Variants in RAPGEF1 observed in about 807,000 individuals in gnomAD.
The protein encoded by RAPGEF1 is CRK SH3-binding GNRP.
Under a neutral mutation model 143.3 loss-of-function variants are expected in RAPGEF1, and 33 were observed. The ratio of observed to expected loss-of-function variants is 0.23; its 90% CI spans 0.17 to 0.31. The LOEUF (loss-of-function observed/expected upper bound fraction) is 0.31, where lower values mean the gene tolerates loss of function less well. Ranked by LOEUF, RAPGEF1 falls within the 10% of genes least tolerant of loss-of-function variation. The pLI is 1.00. For missense variants in RAPGEF1, 1,199 were observed against 1,645.4 expected (o/e 0.73, Z 4.69); for synonymous variants, 629 against 676.5 (o/e 0.93, Z 1.09).
At chr9:131,606,115 C>T (rs1310963568) in intron 12 of RAPGEF1, among the ~76,000 whole-genome samples, 1 of 152,138 alleles carries the variant, frequency 6.6e-6, no homozygotes, top group African/African-American at 2.4e-5. Context: ...TTGATGCCAC[C>T]TTGTAGCCAC....
intron 12 of RAPGEF1, among the ~76,000 whole-genome samples, chr9:131,612,873 T>A (rs1214284322): frequency 6.6e-6 from 1 of 151,976 alleles, no homozygotes; most frequent in African/African-American, 2.4e-5. Flanking sequence ...GAGCCTCAGG[T>A]CAGTAGGGAA....
chr9:131,593,191 C>G (rs1460439805), intron 17 of RAPGEF1, among the ~76,000 whole-genome samples: 1 of 152,130 alleles, frequency 6.6e-6, no homozygotes, highest in Non-Finnish European at 1.5e-5. Flanking sequence ...GCTGGCAGCT[C>G]CAGCTTACCC....
At chr9:131,579,789 T>G (rs376979945) in intron 26 of RAPGEF1, 142 bp from the exon 27 acceptor site, 14 of 874,590 alleles carry the variant, frequency 1.6e-5, no homozygotes, top group Middle Eastern at 7.2e-4. Flanking sequence ...CGTTGACCAA[T>G]GTGACAGAGG....
intron 1 of RAPGEF1, among the ~76,000 whole-genome samples, chr9:131,701,559 A>T (rs917928018): frequency 1.3e-5 from 2 of 152,252 alleles, no homozygotes; most frequent in Non-Finnish European, 2.9e-5. Context: ...ATATGTTATT[A>T]TTGTATCATT....
intron 1 of RAPGEF1, chr9:131,737,529 C>G: frequency 1.2e-6 from 2 of 1,611,236 alleles, no homozygotes; most frequent in African/African-American, 1.3e-5. Flanking sequence ...AAGGCGGTGC[C>G]CAGAAAAGGC....
At chr9:131,722,892 A>C (rs1254737565) in intron 1 of RAPGEF1, among the ~76,000 whole-genome samples, 1 of 150,980 alleles carries the variant, frequency 6.6e-6, no homozygotes, top group Non-Finnish European at 1.5e-5. Flanking sequence ...CAAACAAACA[A>C]ACAAAAACAA....
At chr9:131,680,500 C>T (rs138650727) in intron 1 of RAPGEF1, among the ~76,000 whole-genome samples, 2 of 152,278 alleles carry the variant, frequency 1.3e-5, no homozygotes, top group Admixed American at 6.5e-5. Flanking sequence ...TGTGGGTTTA[C>T]GGGAATGAGG....
chr9:131,687,544 G>A (rs1833454523), intron 1 of RAPGEF1, among the ~76,000 whole-genome samples: 1 of 152,138 alleles, frequency 6.6e-6, no homozygotes, highest in South Asian at 2.1e-4. Context: ...TCTCAACTGA[G>A]CATGTTTTCC....
chr9:131,645,790 C>T (rs1401957143), intron 3 of RAPGEF1, among the ~76,000 whole-genome samples: 3 of 152,198 alleles, frequency 2.0e-5, no homozygotes, highest in Non-Finnish European at 2.9e-5. Flanking sequence ...GGATGGATTG[C>T]CATCATTGGT....
intron 1 of RAPGEF1, among the ~76,000 whole-genome samples, chr9:131,729,194 G>A (rs1465521732): frequency 6.6e-6 from 1 of 152,196 alleles, no homozygotes; most frequent in South Asian, 2.1e-4. Flanking sequence ...CCTCTAACAC[G>A]GATGAGGGTG....
intron 1 of RAPGEF1, among the ~76,000 whole-genome samples, chr9:131,694,612 T>C (rs1044747795): frequency 5.9e-5 from 9 of 152,042 alleles, no homozygotes; most frequent in African/African-American, 2.2e-4. Flanking sequence ...CTGCCTGGCA[T>C]GCCTGTGCCC....
chr9:131,726,640 G>A (rs1176647913), intron 1 of RAPGEF1, among the ~76,000 whole-genome samples: 2 of 132,720 alleles, frequency 1.5e-5, no homozygotes, highest in African/African-American at 5.3e-5. Context: ...AAAAAAAAAA[G>A]AAAGGAAGCA....
intron 1 of RAPGEF1, among the ~76,000 whole-genome samples, chr9:131,695,413 G>C (rs188631271): frequency 1.4e-3 from 218 of 152,318 alleles, no homozygotes; most frequent in African/African-American, 5.0e-3. Context: ...ATTTAGTGTA[G>C]AAGGGCCTCT....
rs1832545599 is a variant in RAPGEF1 at position 131,677,782 on chromosome 9, G to GAAAC, written c.62-26837_62-26834dup. 3.3e-5 allele frequency among the ~76,000 whole-genome samples: 5 copies of GAAAC among 152,314 alleles called. 1 individual carries two copies. The South Asian group carries it at 1.0e-3, about 32-fold the overall frequency. On this transcript the variant is annotated intron_variant, in intron 1 of 26. Transcript: ENST00000683357. ...CTCAAGCAGACCAGGGAAGGCAAAT[G>GAAAC]AAACAGGCTCAGAAGACAAACAAGC... is the stretch of plus-strand genomic sequence containing the variant.
intron 25 of RAPGEF1, among the ~76,000 whole-genome samples, chr9:131,581,674 C>A (rs1051357246): frequency 3.9e-5 from 6 of 152,200 alleles, no homozygotes; most frequent in African/African-American, 9.7e-5. Flanking sequence ...TGCATACCAG[C>A]CTGGGTGACA....
intron 1 of RAPGEF1, among the ~76,000 whole-genome samples, chr9:131,668,015 T>C (rs2026007): frequency 0.099 from 15,041 of 152,284 alleles, 1,125 homozygotes; most frequent in African/African-American, 0.2. Context: ...TGGACAGCTG[T>C]TATTTCTTAA....
intron 1 of RAPGEF1, among the ~76,000 whole-genome samples, chr9:131,729,711 C>G (rs1836901027): frequency 6.6e-6 from 1 of 152,220 alleles, no homozygotes; most frequent in African/African-American, 2.4e-5. Context: ...TGCTGCCTCC[C>G]TTTCCTCAAC....
At chr9:131,738,083 G>A (rs1167540782) in intron 1 of RAPGEF1, among the ~76,000 whole-genome samples, 2 of 152,120 alleles carry the variant, frequency 1.3e-5, no homozygotes, top group Non-Finnish European at 2.9e-5. Flanking sequence ...CCAAAATGCA[G>A]GGATTACAGG....
intron 1 of RAPGEF1, among the ~76,000 whole-genome samples, chr9:131,674,644 T>C (rs1227913480): frequency 6.6e-6 from 1 of 152,172 alleles, no homozygotes; most frequent in Non-Finnish European, 1.5e-5. Context: ...TGGGAACCGC[T>C]GGCTAGAGTC....
Sources: gnomAD v4.1 joint callset for allele counts (sites outside exome capture counted in the v4.1 genomes callset) on GRCh38, gnomAD v4.1.1 for gene constraint, MANE v1.5 for transcripts, NCBI Gene and HGNC (gene_info 2026-07-23, HGNC 2026-07-21) for gene names.